ANKHD1: variants seen among roughly 807,000 people sequenced by gnomAD.
The protein encoded by ANKHD1 is ankyrin repeat and KH domain containing 1, also known as ankyrin repeat and KH domain-containing protein 1.
In ANKHD1, 31 loss-of-function variants were observed where a neutral mutation model predicts 230.5. That is an observed-to-expected ratio of 0.13 (90% CI 0.10 to 0.18). ANKHD1 has a LOEUF of 0.18. ANKHD1 is among the 10% of genes least tolerant of loss of function. The pLI is 1.00. For missense variants in ANKHD1, 2,256 were observed against 3,071.3 expected, an observed-to-expected ratio of 0.73 and a Z score of 6.27; for synonymous variants, 1,074 against 1,117.6, an observed-to-expected ratio of 0.96 and a Z score of 0.78.
intron 20 of ANKHD1, among the ~76,000 whole-genome samples, chr5:140,508,940 A>G (rs896715627): frequency 3.9e-5 from 6 of 152,104 alleles, no homozygotes; most frequent in Non-Finnish European, 8.8e-5. Context: ...AGAATTTTTA[A>G]TAATTAGTCA....
rs1422992335 is a variant in ANKHD1 at position 140,485,846 on chromosome 5, T to A, written c.2142+114T>A. 5 of 1,417,194 alleles carry A rather than the reference T, an allele frequency of 3.5e-6. 1 individual carries two copies. The East Asian group carries it at 9.9e-5, about 28-fold the overall frequency. The allele number at this position is 1,417,194 out of a possible 1,614,324, so 87.8% of individuals were successfully genotyped here. On this transcript the variant is annotated intron_variant, in intron 13 of 33. Coordinates refer to ENST00000360839, the MANE Select transcript of ANKHD1 (RefSeq NM_017747.3). The surrounding 1 kb of genome is among the most constrained non-coding windows in gnomAD (Gnocchi z 4.8). The stretch of plus-strand genomic sequence containing the variant: ...ACTTGTTTTTATTCTCTGTTACATA[T>A]TGAGAAAATCATGACTCTAAATTCT...
At chr5:140,448,025 A>G (rs1327014644) in intron 6 of ANKHD1, among the ~76,000 whole-genome samples, 2 of 152,130 alleles carry the variant, frequency 1.3e-5, no homozygotes, top group East Asian at 1.9e-4. Flanking sequence ...ACTCACACCT[A>G]TAATCCCAGC....
chr5:140,505,553 A>T (rs1250157375), intron 17 of ANKHD1, among the ~76,000 whole-genome samples, 171 bp from the exon 18 acceptor site: 3 of 152,192 alleles, frequency 2.0e-5, no homozygotes, highest in African/African-American at 7.2e-5. Flanking sequence ...TTAGGTGTTT[A>T]TGGGTTTTTT....
At chr5:140,436,483 C>T (rs1260816981) in intron 2 of ANKHD1, among the ~76,000 whole-genome samples, 7 of 152,122 alleles carry the variant, frequency 4.6e-5, no homozygotes, top group African/African-American at 1.2e-4. Flanking sequence ...CAGTGGCTCA[C>T]GCCTGTAATC....
chr5:140,513,448 G>A lies in ANKHD1; in HGVS notation c.4286G>A (p.Ser1429Asn). 1.2e-6 allele frequency: 2 copies of A among 1,613,186 alleles called. No individual in the cohort carries two copies. The highest frequency in any genetic ancestry group is 1.3e-5 in the African/African-American group (1 of 75,004). ...QQAAEANKNA[S>N]ILLKELDLEK... ...GCTGCAGAAGCAAATAAGAATGCGA[G>A]TATTCTTTTAAAGGAACTTGATCTG... The change falls in exon 24 of 34, where the codon AGT becomes AAT. Residue 1429 changes from serine to asparagine, a missense_variant. Physicochemically the swap from Ser to Asn is conservative, Grantham distance 46 (BLOSUM62 1). Coordinates refer to ENST00000360839, the MANE Select transcript of ANKHD1 (RefSeq NM_017747.3).
At chr5:140,409,684 C>G (rs1377734255) in intron 1 of ANKHD1, among the ~76,000 whole-genome samples, 2 of 151,924 alleles carry the variant, frequency 1.3e-5, no homozygotes, top group East Asian at 3.9e-4. Flanking sequence ...TCCTGAGTAG[C>G]TGGGACTACA....
chr5:140,466,467 A>G (rs1235809441), intron 10 of ANKHD1, among the ~76,000 whole-genome samples: 1 of 152,142 alleles, frequency 6.6e-6, no homozygotes, highest in Non-Finnish European at 1.5e-5. Flanking sequence ...ATGTATAACA[A>G]AACCATACTG....
intron 1 of ANKHD1, among the ~76,000 whole-genome samples, chr5:140,410,014 C>CT (rs1278431333): frequency 1.3e-5 from 2 of 151,964 alleles, no homozygotes; most frequent in African/African-American, 2.4e-5. Context: ...TTTTGGGAAA[C>CT]TTTAAGTATG....
intron 26 of ANKHD1, 31 bp downstream of exon 26, chr5:140,526,474 G>A (rs1217282019): frequency 6.4e-7 from 1 of 1,566,616 alleles, no homozygotes; most frequent in Admixed American, 1.9e-5. Context: ...AACTCTACCT[G>A]CACCTTTCCT....
At chr5:140,505,963 A>G (rs1752516440) in intron 18 of ANKHD1, 94 bp downstream of exon 18, 3 of 1,505,230 alleles carry the variant, frequency 2.0e-6, no homozygotes, top group South Asian at 1.4e-5. Context: ...TAAAATTTGC[A>G]TGTATTTTGT....
Position 140,445,901 on chromosome 5 carries a change from T to C in ANKHD1, c.1073T>C (p.Leu358Ser). ...CATGTGGAAGTTGCAAGAGTTCTTT[T>C]AGATCATGGTGCAGGCATCAACACT... ...AGHVEVARVL[L>S]DHGAGINTHS... Residue 358 changes from leucine to serine, a missense_variant, in exon 6 of 34, where the codon TTA becomes TCA. By Grantham distance (145) the Leu-to-Ser change is moderately radical. This residue lies in a region of ANKHD1 where 206 missense variants were observed against 304.5 expected (regional missense o/e 0.68). Transcript: ENST00000360839. The C allele has an allele frequency of 1.2e-6, 2 of 1,613,592 alleles. No homozygotes were observed. The highest frequency in any genetic ancestry group is 1.7e-6 in the Non-Finnish European group (2 of 1,179,642).
chr5:140,430,214 C>G (rs1772927824), intron 1 of ANKHD1, among the ~76,000 whole-genome samples: 1 of 152,134 alleles, frequency 6.6e-6, no homozygotes, highest in Non-Finnish European at 1.5e-5. Context: ...AAGGGAAAAA[C>G]AGGTAGTTTT....
intron 5 of ANKHD1, among the ~76,000 whole-genome samples, chr5:140,442,566 G>A (rs1033881948): frequency 1.1e-4 from 16 of 152,262 alleles, no homozygotes; most frequent in South Asian, 8.3e-4. Context: ...ACCCTTGAAA[G>A]TGGCTCCCTG....
intron 10 of ANKHD1, among the ~76,000 whole-genome samples, chr5:140,482,257 C>A (rs906976254): frequency 6.6e-6 from 1 of 152,034 alleles, no homozygotes; most frequent in Non-Finnish European, 1.5e-5. Flanking sequence ...TTTTCACAAT[C>A]CAGATAAATA....
chr5:140,446,605 C>T (rs1284592252), intron 6 of ANKHD1, among the ~76,000 whole-genome samples: 3 of 152,256 alleles, frequency 2.0e-5, no homozygotes, highest in Admixed American at 2.0e-4. Context: ...AAGTGATCCT[C>T]CTGCCTCAGC....
chr5:140,410,849 C>T (rs1770868293), intron 1 of ANKHD1, among the ~76,000 whole-genome samples: 1 of 151,894 alleles, frequency 6.6e-6, no homozygotes, highest in African/African-American at 2.4e-5. Context: ...TAGGTATTAT[C>T]TACATTTTTA....
Position 140,496,608 on chromosome 5 carries a change from A to C in ANKHD1, c.2334A>C (p.Ile778=). Residue 778 remains isoleucine (I), a synonymous_variant, in exon 15 of 34, where the codon ATA becomes ATC. Coordinates refer to ENST00000360839, the MANE Select transcript of ANKHD1 (RefSeq NM_017747.3). ...ACCCATACCAGCCTTTGGAGTGCATAGTAGAGGAGACTGAAGGCAAGCTGA... is the reference window on the plus strand; with the variant it reads ...ACCCATACCAGCCTTTGGAGTGCATCGTAGAGGAGACTGAAGGCAAGCTGA... ...SFHPYQPLEC[I]VEETEGKLNE... 7 of 1,613,644 alleles carry C rather than the reference A, an allele frequency of 4.3e-6. No individual in the cohort carries two copies. The highest frequency in any genetic ancestry group is 5.9e-6 in the Non-Finnish European group (7 of 1,179,964).
At chr5:140,408,860 A>G (rs1377637706) in intron 1 of ANKHD1, among the ~76,000 whole-genome samples, 1 of 152,140 alleles carries the variant, frequency 6.6e-6, no homozygotes, top group Admixed American at 6.5e-5. Context: ...TCAGGACTAC[A>G]GGGGACTATA....
At chr5:140,476,847 A>G (rs865936559) in intron 10 of ANKHD1, among the ~76,000 whole-genome samples, 1 of 151,996 alleles carries the variant, frequency 6.6e-6, no homozygotes, top group Non-Finnish European at 1.5e-5. Flanking sequence ...AAGTAGTACT[A>G]AAATTCTAGA....
Sources: gnomAD v4.1 joint callset for allele counts (sites outside exome capture counted in the v4.1 genomes callset) on GRCh38, gnomAD v4.1.1 for gene constraint, gnomAD v4.1.1 regional missense constraint, Gnocchi (gnomAD v3.1) non-coding constraint, MANE v1.5 for transcripts, NCBI Gene and HGNC (gene_info 2026-07-23, HGNC 2026-07-21) for gene names.